The following EDN3 variants were observed in gnomAD, a reference collection of about 807,000 sequenced individuals.
EDN3 encodes the protein endothelin-3.
In EDN3, 9 loss-of-function variants were observed where a neutral mutation model predicts 21.4. The ratio of observed to expected loss-of-function variants is 0.42; its 90% CI spans 0.25 to 0.73. EDN3 has a LOEUF of 0.73. EDN3 is among the 30% of genes least tolerant of loss of function. EDN3 has a pLI of 0.26. For missense variants in EDN3, 327 were observed against 309.4 expected (o/e 1.06, Z -0.43); for synonymous variants, 133 against 126.2 (o/e 1.05, Z -0.36).
chr20:59,321,082 C>T lies in EDN3; in HGVS notation c.431C>T (p.Pro144Leu). 6.2e-7 allele frequency: 1 copy of T among 1,614,200 alleles called. No individual in the cohort carries two copies. The highest frequency in any genetic ancestry group is 8.5e-7 in the Non-Finnish European group (1 of 1,180,032). ...GSFRGKRSAG[P>L]LPGNLQLSHR... is the part of the protein sequence containing the mutation. ...TTCCGGGGCAAGAGGTCTGCGGGGC[C>T]ACTTCCAGGGAATCTGCAGCTCTCA... Residue 144 changes from proline to leucine, a missense_variant, in exon 3 of 5, where the codon CCA becomes CTA. Transcript: ENST00000337938.
At chr20:59,301,081 G>A (rs1209488470) in intron 1 of EDN3, among the ~76,000 whole-genome samples, 1 of 152,240 alleles carries the variant, frequency 6.6e-6, no homozygotes, top group Non-Finnish European at 1.5e-5. Flanking sequence ...GCACTGGCTG[G>A]AGACCTGCTG....
chr20:59,313,033 C>T (rs916694332), intron 2 of EDN3, among the ~76,000 whole-genome samples: 5 of 152,180 alleles, frequency 3.3e-5, no homozygotes, highest in African/African-American at 1.2e-4. Flanking sequence ...AATTCTTCCA[C>T]TTCAAGTAAT....
intron 3 of EDN3, among the ~76,000 whole-genome samples, chr20:59,321,496 A>G (rs1361280869): frequency 6.6e-6 from 1 of 152,226 alleles, no homozygotes; most frequent in African/African-American, 2.4e-5. Context: ...ACTTTGTGAA[A>G]ATCTGAATAA....
intron 2 of EDN3, among the ~76,000 whole-genome samples, chr20:59,315,656 A>G (rs1990126377): frequency 6.6e-6 from 1 of 152,190 alleles, no homozygotes; most frequent in Non-Finnish European, 1.5e-5. Flanking sequence ...TTATGGAATA[A>G]ACCACTAGAC....
chr20:59,301,834 C>T, intron 2 of EDN3, 112 bp downstream of exon 2: 1 of 1,255,600 alleles, frequency 8.0e-7, no homozygotes, highest in Non-Finnish European at 1.2e-6. Context: ...CCAGAGCCTG[C>T]CCTGGCACAG....
intron 2 of EDN3, among the ~76,000 whole-genome samples, 156 bp from the exon 3 acceptor site, chr20:59,320,849 CAGTTCACTCCAG>C (rs1990488839): frequency 6.6e-6 from 1 of 152,184 alleles, no homozygotes; most frequent in Non-Finnish European, 1.5e-5. Context: ...AGGGGGTGCA[CAGTTCACTCCAG>C]AACCTTCCTA....
At chr20:59,316,117 C>T (rs1386999407) in intron 2 of EDN3, among the ~76,000 whole-genome samples, 1 of 152,146 alleles carries the variant, frequency 6.6e-6, no homozygotes, top group African/African-American at 2.4e-5. Context: ...ACCCAGGAGG[C>T]GGAGGTTGCA....
chr20:59,314,277 A>C (rs996686637), intron 2 of EDN3, among the ~76,000 whole-genome samples: 6 of 152,162 alleles, frequency 3.9e-5, no homozygotes, highest in African/African-American at 1.4e-4. Context: ...CCTTGTCCTC[A>C]ACAGCTGGGG....
chr20:59,324,211 G>C (rs1359958953), intron 4 of EDN3, 120 bp from the exon 5 acceptor site: 2 of 1,292,900 alleles, frequency 1.5e-6, no homozygotes, highest in Non-Finnish European at 1.1e-6. Context: ...GTTCCAATCA[G>C]GGAACAGGCT....
intron 2 of EDN3, among the ~76,000 whole-genome samples, chr20:59,304,503 G>T (rs1267908491): frequency 1.3e-5 from 2 of 152,196 alleles, no homozygotes; most frequent in African/African-American, 4.8e-5. Context: ...CTCAGTCAGG[G>T]GTCTTGAACT....
rs571072081 is a variant in EDN3, at chr20:59,324,537, T to G, written c.*78T>G. 5.1e-5 allele frequency: 81 copies of G among 1,599,254 alleles called. No individual in the cohort carries two copies. In the South Asian group the frequency reaches 8.4e-4, roughly 17 times the overall value. ...CACAGTTCAGATTTCCACCTCTTTATAGACAAGAAGTGAATTTGCCTGGGG... is the reference window on the plus strand; with the variant it reads ...CACAGTTCAGATTTCCACCTCTTTAGAGACAAGAAGTGAATTTGCCTGGGG... On this transcript the variant is annotated 3_prime_UTR_variant, in exon 5 of 5. Transcript: ENST00000337938.
chr20:59,301,720 C>T lies in EDN3; in HGVS notation c.363C>T (p.Pro121=), dbSNP rs1195666718. ...TGGACATCATTTGGATCAACACTCC[C>T]GAGTAAGTCAGCCTTTTGTGGTGAG... ...CHLDIIWINT[P]EQTVPYGLSN... Residue 121 remains proline, a splice_region_variant and synonymous_variant, in exon 2 of 5, where the codon CCC becomes CCT. Transcript: ENST00000337938. 6 of 1,613,988 alleles carry T rather than the reference C, an allele frequency of 3.7e-6. No individual in the cohort carries two copies. The Admixed American group carries it at 5.0e-5, about 13-fold the overall frequency.
In EDN3 at chr20:59,324,920, G is replaced by A. The variant is rs1438013187; in HGVS notation, c.*461G>A. ...TAGGCTGCATGGTGTATGTCAGTGA[G>A]GGCCACGAGGCGTCGGCTTTAGACA... On this transcript the variant is annotated 3_prime_UTR_variant, in exon 5 of 5. Coordinates refer to ENST00000337938, the MANE Select transcript of EDN3 (RefSeq NM_207034.3). 2 of 230,814 alleles carry A rather than the reference G, an allele frequency of 8.7e-6. No homozygotes were observed. The highest frequency in any genetic ancestry group is 2.2e-5 in the African/African-American group (1 of 44,630). The allele number at this position is 230,814 out of a possible 1,614,324, so 14.3% of individuals were successfully genotyped here. A position where few individuals can be genotyped will look rare whatever the true frequency, so the allele number is the denominator to read the frequency against.
At chr20:59,309,441 C>A (rs564510626) in intron 2 of EDN3, among the ~76,000 whole-genome samples, 1 of 152,204 alleles carries the variant, frequency 6.6e-6, no homozygotes, top group South Asian at 2.1e-4. Context: ...GTGGGTGTCA[C>A]CAACTGGGAG....
intron 2 of EDN3, among the ~76,000 whole-genome samples, chr20:59,311,654 A>T (rs147510513): frequency 3.7e-4 from 54 of 145,974 alleles, no homozygotes; most frequent in African/African-American, 1.2e-3. Flanking sequence ...GATTTTGGCC[A>T]TGTTTTTTTT....
At chr20:59,302,211 G>A (rs1464914599) in intron 2 of EDN3, among the ~76,000 whole-genome samples, 2 of 152,184 alleles carry the variant, frequency 1.3e-5, no homozygotes, top group Non-Finnish European at 2.9e-5. Flanking sequence ...AACCTGCACA[G>A]TCCACTCGGG....
In EDN3 at chr20:59,324,316, C is replaced by T. The variant is rs1226558701; in HGVS notation, c.589-15C>T. 6.2e-7 allele frequency: 1 copy of T among 1,613,956 alleles called. No individual in the cohort carries two copies. The highest frequency in any genetic ancestry group is 2.2e-5 in the East Asian group (1 of 44,880). On this transcript the variant is annotated splice_polypyrimidine_tract_variant and intron_variant, in intron 4 of 4. Coordinates refer to ENST00000337938, the MANE Select transcript of EDN3 (RefSeq NM_207034.3). Reference sequence around the variant, plus strand: ...CCTTTCTTTTTTTTTCTTTTGCCCCCTTTCCCCAAGACAGGTTGAAGTCAA... The same window carrying T: ...CCTTTCTTTTTTTTTCTTTTGCCCCTTTTCCCCAAGACAGGTTGAAGTCAA...
At chr20:59,302,524 T>C (rs1989119920) in intron 2 of EDN3, among the ~76,000 whole-genome samples, 1 of 152,086 alleles carries the variant, frequency 6.6e-6, no homozygotes, top group South Asian at 2.1e-4. Context: ...ACTCCCAGTG[T>C]TCAGGGAACC....
intron 2 of EDN3, among the ~76,000 whole-genome samples, chr20:59,316,551 A>G (rs941427466): frequency 2.6e-5 from 4 of 152,266 alleles, no homozygotes; most frequent in African/African-American, 9.6e-5. Flanking sequence ...GTGTTAATTC[A>G]TTCATGAAAA....
Sources: allele counts gnomAD v4.1 joint callset (sites outside exome capture counted in the v4.1 genomes callset), GRCh38; gene constraint gnomAD v4.1.1; transcripts MANE v1.5; gene names NCBI Gene and HGNC (gene_info 2026-07-23, HGNC 2026-07-21).